CCDC32: variants seen among roughly 807,000 people sequenced by gnomAD.
CCDC32 encodes the protein coiled-coil domain containing 32, also known as coiled-coil domain-containing protein 32.
Under a neutral mutation model 20.1 loss-of-function variants are expected in CCDC32, and 9 were observed. The observed-to-expected ratio is 0.45, with a 90% confidence interval of 0.27 to 0.78. CCDC32 has a LOEUF of 0.78. Ranked by LOEUF, CCDC32 falls within the 30% of genes least tolerant of loss-of-function variation. The probability of loss-of-function intolerance (pLI) is 0.16; values close to 1 mark genes in which losing one functional copy is unlikely to be tolerated. For synonymous variants in CCDC32, 63 were observed against 79.0 expected, an observed-to-expected ratio of 0.80 and a Z score of 1.07; for missense variants, 204 against 215.5, an observed-to-expected ratio of 0.95 and a Z score of 0.33.
At chr15:40,554,669 A>G (rs1890118483) in intron 3 of CCDC32, among the ~76,000 whole-genome samples, 1 of 152,116 alleles carries the variant, frequency 6.6e-6, no homozygotes, top group African/African-American at 2.4e-5. Flanking sequence ...AGATAAAAAC[A>G]TCTGAGCAGC....
downstream of CCDC32, chr15:40,535,179 A>C (rs1889058150): frequency 7.9e-7 from 1 of 1,266,094 alleles, no homozygotes; most frequent in Non-Finnish European, 1.1e-6. Flanking sequence ...GTGGCATATA[A>C]GATGAATGGA....
At chr15:40,539,840 C>CCACACA (rs142688774) in intron 3 of CCDC32, among the ~76,000 whole-genome samples, 12,050 of 134,478 alleles carry the variant, frequency 0.09, 596 homozygotes, top group Middle Eastern at 0.13. Context: ...CAAACTGTTG[C>CCACACA]CACACACACA....
intron 2 of CCDC32, among the ~76,000 whole-genome samples, chr15:40,561,474 AAAAAAAAAAACAAAACAACAACC>A (rs1237774857): frequency 2.7e-5 from 4 of 150,642 alleles, no homozygotes; most frequent in African/African-American, 9.8e-5. Context: ...CTCCGTCTCA[AAAAAAAAAAACAAAACAACAACC>A]AAAAAAAAAA....
intron 1 of CCDC32, among the ~76,000 whole-genome samples, chr15:40,564,107 A>C (rs1566987317): frequency 6.6e-6 from 1 of 152,158 alleles, no homozygotes; most frequent in Non-Finnish European, 1.5e-5. Flanking sequence ...GGCGTGAGCC[A>C]CCGCGCCCGG....
In CCDC32 at chr15:40,565,025, C is replaced by G. The variant is rs904940930; in HGVS notation, c.-62G>C. 2.2e-5 allele frequency: 12 copies of G among 555,260 alleles called. No individual in the cohort carries two copies. The highest frequency in any genetic ancestry group is 3.5e-5 in the Non-Finnish European group (11 of 310,738). The allele number at this position is 555,260 out of a possible 1,614,324, so 34.4% of individuals were successfully genotyped here. On this transcript the variant is annotated 5_prime_UTR_variant, in exon 1 of 4. Transcript: ENST00000416810. ...TGGCTCAGCTCTGTCGCCTGTAGCC[C>G]GGAGGAAATCGGGAGGGGCGGAGTC...
At chr15:40,540,665 A>T (rs952413746) in intron 3 of CCDC32, among the ~76,000 whole-genome samples, 3 of 152,112 alleles carry the variant, frequency 2.0e-5, no homozygotes, top group Non-Finnish European at 4.4e-5. Flanking sequence ...CACTGCACCC[A>T]GCCCAGCATT....
chr15:40,562,641 C>T (rs150359989), intron 2 of CCDC32, 131 bp downstream of exon 2: 55 of 1,068,628 alleles, frequency 5.1e-5, no homozygotes, highest in East Asian at 4.4e-4. Context: ...TCCCAACAGC[C>T]GGCTTGAAAC....
chr15:40,534,424 G>A (rs1172132246), downstream of CCDC32: 3 of 157,160 alleles, frequency 1.9e-5, no homozygotes, highest in South Asian at 1.9e-4. Flanking sequence ...ATGGCAGAAG[G>A]GGAAGCAAAT....
intron 2 of CCDC32, among the ~76,000 whole-genome samples, chr15:40,559,172 G>A (rs868829183): frequency 3.3e-5 from 5 of 151,956 alleles, no homozygotes; most frequent in African/African-American, 9.7e-5. Flanking sequence ...CTGTAACCTT[G>A]AACAACTGCT....
At chr15:40,561,418 A>C (rs1305237589) in intron 2 of CCDC32, among the ~76,000 whole-genome samples, 1 of 151,394 alleles carries the variant, frequency 6.6e-6, no homozygotes, top group Non-Finnish European at 1.5e-5. Context: ...GGTTGCAGTG[A>C]GTCGAGATCG....
At chr15:40,543,276 C>A (rs565102922) in intron 3 of CCDC32, among the ~76,000 whole-genome samples, 13 of 152,298 alleles carry the variant, frequency 8.5e-5, no homozygotes, top group African/African-American at 3.1e-4. Flanking sequence ...GAGGTGTGAC[C>A]AGCTGCACAT....
downstream of CCDC32, chr15:40,552,944 C>A (rs944088327): frequency 1.7e-5 from 3 of 176,012 alleles, no homozygotes; most frequent in African/African-American, 7.2e-5. Flanking sequence ...GGCCTCAGAA[C>A]ACCAAAGTCT....
At chr15:40,563,453 C>A (rs541383970) in intron 1 of CCDC32, among the ~76,000 whole-genome samples, 1 of 152,138 alleles carries the variant, frequency 6.6e-6, no homozygotes, top group African/African-American at 2.4e-5. Flanking sequence ...TATAAGGTAC[C>A]TGAGTAGTCA....
rs769947795 is a variant in CCDC32 at position 40,547,117 on chromosome 15, G to A, written c.402-7762C>T. ...CCTCTTCTGTCAGCCTGTTGGTCTGGGGGGTTGAGTCAGTCTTGTTAGGAA... is the reference window on the plus strand; with the variant it reads ...CCTCTTCTGTCAGCCTGTTGGTCTGAGGGGTTGAGTCAGTCTTGTTAGGAA... On this transcript the variant is annotated intron_variant, in intron 3 of 3. Transcript: ENST00000558113. Among the ~76,000 whole-genome samples, 174 of 152,104 alleles carry A rather than the reference G, an allele frequency of 1.1e-3. 1 individual carries two copies. The highest frequency in any genetic ancestry group is 2.2e-3 in the Non-Finnish European group (150 of 68,018).
the CCDC32 span, among the ~76,000 whole-genome samples, chr15:40,522,635 A>G: frequency 3.3e-5 from 5 of 152,146 alleles, no homozygotes; most frequent in African/African-American, 9.7e-5. Flanking sequence ...TGCTTTTTAA[A>G]TGTTACTGGG....
intron 3 of CCDC32, among the ~76,000 whole-genome samples, chr15:40,546,023 C>T (rs1023351061): frequency 6.6e-6 from 1 of 152,116 alleles, no homozygotes; most frequent in East Asian, 1.9e-4. Context: ...TGCTTTTCCC[C>T]CATCCCAGTT....
rs1169135266 is a variant in CCDC32, at chr15:40,553,540, A to G, written c.*431T>C. On this transcript the variant is annotated 3_prime_UTR_variant, in exon 4 of 4. Coordinates refer to ENST00000416810, the MANE Select transcript of CCDC32 (RefSeq NM_001080792.4). ...ACAATTCACCAAGGGAATGCTTGGG[A>G]CACAAGCATGAATGTCCGGAAGAGG... 1.0e-6 allele frequency: 1 copy of G among 989,784 alleles called. No homozygotes were observed. Among genetic ancestry groups the G allele is most frequent in the Admixed American group, 5.9e-5 (1 of 16,920 alleles). 61.3% of individuals were successfully genotyped at this position (989,784 alleles called of 1,614,324 possible).
At chr15:40,521,250 T>G in the CCDC32 span, among the ~76,000 whole-genome samples, 1 of 152,192 alleles carries the variant, frequency 6.6e-6, no homozygotes, top group Non-Finnish European at 1.5e-5. Context: ...CAGTCACTCC[T>G]CATTTCCCCT....
downstream of CCDC32, among the ~76,000 whole-genome samples, chr15:40,530,599 T>C (rs1888843865): frequency 6.6e-6 from 1 of 150,944 alleles, no homozygotes; most frequent in Non-Finnish European, 1.5e-5. Context: ...CCTTCCACCA[T>C]GATTGTAAGC....
Sources: gnomAD v4.1 joint callset for allele counts (sites outside exome capture counted in the v4.1 genomes callset) on GRCh38, gnomAD v4.1.1 for gene constraint, MANE v1.5 for transcripts, NCBI Gene and HGNC (gene_info 2026-07-23, HGNC 2026-07-21) for gene names.